Variants in NKTR observed in about 807,000 individuals in gnomAD.
NKTR encodes NK-tumor recognition protein.
Under a neutral mutation model 156.3 loss-of-function variants are expected in NKTR, and 67 were observed. The ratio of observed to expected loss-of-function variants is 0.43; its 90% CI spans 0.35 to 0.53. NKTR has a LOEUF of 0.53. NKTR is among the 20% of genes least tolerant of loss of function. The pLI, the probability that NKTR is intolerant of heterozygous loss-of-function variation, is 0.01. For missense variants in NKTR, 1,604 were observed against 1,730.9 expected, an observed-to-expected ratio of 0.93 and a Z score of 1.30; for synonymous variants, 640 against 596.6, an observed-to-expected ratio of 1.07 and a Z score of -1.06.
intron 7 of NKTR, 23 bp downstream of exon 7, chr3:42,630,598 A>G: frequency 4.3e-6 from 7 of 1,613,576 alleles, no homozygotes; most frequent in Non-Finnish European, 5.9e-6. Context: ...TTCTTACTAC[A>G]TTGGGGAAGT....
intron 2 of NKTR, among the ~76,000 whole-genome samples, chr3:42,609,435 C>A (rs2125765910): frequency 6.6e-6 from 1 of 152,246 alleles, no homozygotes; most frequent in South Asian, 2.1e-4. Context: ...GTGTCTTTAA[C>A]TTTCAGTTTG....
rs1247927669 is a variant in NKTR at position 42,639,466 on chromosome 3, G to T, written c.3762G>T (p.Val1254=). The T allele has an allele frequency of 1.2e-6, 2 of 1,614,218 alleles. No individual in the cohort carries two copies. The highest frequency in any genetic ancestry group is 2.7e-5 in the African/African-American group (2 of 75,044). ...SAVEVKVLTT[V]PEMKPQGLRI... ...TGGAAGTTAAGGTGTTGACCACTGTGCCTGAAATGAAACCACAAGGCTTGA... is the reference window on the plus strand; with the variant it reads ...TGGAAGTTAAGGTGTTGACCACTGTTCCTGAAATGAAACCACAAGGCTTGA... Residue 1254 remains valine, a synonymous_variant, in exon 13 of 17, where the codon GTG becomes GTT. Transcript: ENST00000232978.
In NKTR at chr3:42,645,925, C is replaced by G; in HGVS notation, c.4339C>G (p.Arg1447Gly). The G allele has an allele frequency of 1.2e-6, 2 of 1,612,584 alleles. No homozygotes were observed. The highest frequency in any genetic ancestry group is 1.7e-6 in the Non-Finnish European group (2 of 1,179,160). The part of the protein sequence containing the change: ...RSYGSDSESD[R>G]SYSHHRSPSE... ...TTATGGCTCTGACAGTGAAAGTGACCGAAGTTACTCTCATCACCGGAGCCC... is the reference window on the plus strand; with the variant it reads ...TTATGGCTCTGACAGTGAAAGTGACGGAAGTTACTCTCATCACCGGAGCCC... Residue 1447 changes from arginine to glycine, a missense_variant, in exon 17 of 17, where the codon CGA becomes GGA. Coordinates refer to ENST00000232978, the MANE Select transcript of NKTR (RefSeq NM_005385.4).
chr3:42,609,096 C>T (rs911960294), intron 2 of NKTR, among the ~76,000 whole-genome samples: 2 of 151,564 alleles, frequency 1.3e-5, no homozygotes, highest in African/African-American at 2.4e-5. Context: ...CCACTGCACT[C>T]CTGCCTGGGC....
intron 3 of NKTR, 107 bp from the exon 4 acceptor site, chr3:42,618,913 G>T: frequency 1.1e-6 from 1 of 902,144 alleles, no homozygotes; most frequent in Non-Finnish European, 1.7e-6. Flanking sequence ...CTCTTCCAGT[G>T]CCTAGCACAC....
rs1707834662 is a variant in NKTR at position 42,620,759 on chromosome 3, T to C, written c.287-670T>C. ...AACAGCTATTTAGCTGGTTCTGTTA[T>C]GTAGCAATTTAAAACTAATGCTGTA... On this transcript the variant is annotated intron_variant, in intron 5 of 16. Transcript: ENST00000232978. 17 of 984,774 alleles carry C rather than the reference T, an allele frequency of 1.7e-5. No homozygotes were observed. The East Asian group carries it at 3.4e-4, about 20-fold the overall frequency. 61.0% of individuals were successfully genotyped at this position (984,774 alleles called of 1,614,324 possible). A position where few individuals can be genotyped will look rare whatever the true frequency, so the allele number is the denominator to read the frequency against.
chr3:42,603,382 AAAACAGCTT>A (rs1559546348), intron 2 of NKTR, among the ~76,000 whole-genome samples: 1 of 146,630 alleles, frequency 6.8e-6, no homozygotes, highest in African/African-American at 2.6e-5. Context: ...AAAAAAAAAA[AAAACAGCTT>A]AAGAAAAAGT....
intron 5 of NKTR, 42 bp from the exon 6 acceptor site, chr3:42,621,387 C>A (rs769168682): frequency 9.5e-6 from 15 of 1,581,142 alleles, no homozygotes; most frequent in Non-Finnish European, 1.3e-5. Flanking sequence ...TTTAAAGTGA[C>A]TTATAATTGG....
chr3:42,606,519 T>C (rs552985018), intron 2 of NKTR, among the ~76,000 whole-genome samples: 21 of 152,284 alleles, frequency 1.4e-4, no homozygotes, highest in Admixed American at 1.4e-3. Flanking sequence ...GATTGTATCT[T>C]AAAGTCCGAG....
At position 42,639,735 on chromosome 3, in the gene NKTR, C is replaced by G. The variant is rs1201850647; in HGVS notation, c.4031C>G (p.Ser1344Cys). 5.0e-6 allele frequency: 8 copies of G among 1,605,574 alleles called. No individual in the cohort carries two copies. Among genetic ancestry groups the G allele is most frequent in the African/African-American group, 1.3e-5 (1 of 74,504 alleles). The change falls in exon 13 of 17, where the codon TCC (serine) becomes TGC (cysteine). Residue 1344 changes from serine to cysteine, a missense_variant. This residue lies in a region of NKTR where 193 missense variants were observed against 220.2 expected (regional missense o/e 0.88). Coordinates refer to ENST00000232978, the MANE Select transcript of NKTR (RefSeq NM_005385.4). ...CACTCAAGAAGTCGATCGAGAAGTTCCACATCATCTTATCGGTGAGCAATA... is the reference window on the plus strand; with the variant it reads ...CACTCAAGAAGTCGATCGAGAAGTTGCACATCATCTTATCGGTGAGCAATA... ...YSHSRSRSRS[S>C]TSSYRSRSYS...
chr3:42,608,668 T>C (rs1330925519), intron 2 of NKTR, among the ~76,000 whole-genome samples: 2 of 152,238 alleles, frequency 1.3e-5, no homozygotes, highest in African/African-American at 2.4e-5. Flanking sequence ...CTTCTCTCTC[T>C]GAAGGTTGGA....
chr3:42,601,244 C>G, intron 2 of NKTR, 180 bp downstream of exon 2: 1 of 480,936 alleles, frequency 2.1e-6, no homozygotes, highest in Non-Finnish European at 3.7e-6. Flanking sequence ...ACACCCCTAA[C>G]TCGCAGTCCG....
At chr3:42,624,228 C>T (rs568668772) in intron 6 of NKTR, among the ~76,000 whole-genome samples, 1 of 150,968 alleles carries the variant, frequency 6.6e-6, no homozygotes, top group Non-Finnish European at 1.5e-5. Context: ...CTGTATTTGT[C>T]ATAATGATTT....
At chr3:42,633,029 G>A (rs1295334870) in intron 9 of NKTR, 1 of 1,260,510 alleles carries the variant, frequency 7.9e-7, no homozygotes, top group Non-Finnish European at 1.0e-6. Context: ...GTTTTCGGGT[G>A]AAAATAGTCC....
chr3:42,601,234 A>G (rs983475245), intron 2 of NKTR, 170 bp downstream of exon 2: 2 of 518,650 alleles, frequency 3.9e-6, no homozygotes, highest in Non-Finnish European at 6.8e-6. Flanking sequence ...TGGCCTGGGC[A>G]CACCCCTAAC....
rs913501303 is a variant in NKTR, at chr3:42,648,020, G to T, written c.*2045G>T. 3 of 152,196 alleles carry T rather than the reference G, an allele frequency of 2.0e-5. No homozygotes were observed. Among genetic ancestry groups the T allele is most frequent in the Non-Finnish European group, 4.4e-5 (3 of 68,046 alleles). 9.4% of individuals were successfully genotyped at this position (152,196 alleles called of 1,614,324 possible). On this transcript the variant is annotated 3_prime_UTR_variant, in exon 17 of 17. Transcript: ENST00000232978. ...TCATTCAGGTTGTTGGCGGAATTCA[G>T]TTCTTTGCTGGCTCTCAGCTGGAGG...
rs190807251 is a variant in NKTR, at chr3:42,648,501, T to C, written c.*2526T>C. On this transcript the variant is annotated 3_prime_UTR_variant, in exon 17 of 17. Coordinates refer to ENST00000232978, the MANE Select transcript of NKTR (RefSeq NM_005385.4). ...TCCTAAAGGGGATTGTTCTACATTT[T>C]GAAGTTATTTTTTAATAAAATTGAA... 5.9e-5 allele frequency: 9 copies of C among 152,708 alleles called. No individual in the cohort carries two copies. The East Asian group carries it at 1.7e-3, about 29-fold the overall frequency. The allele number at this position is 152,708 out of a possible 1,614,324, so 9.5% of individuals were successfully genotyped here.
chr3:42,632,894 C>A, intron 9 of NKTR, 71 bp downstream of exon 9: 1 of 1,347,836 alleles, frequency 7.4e-7, no homozygotes, highest in South Asian at 2.4e-5. Flanking sequence ...ATGTATAATT[C>A]TATAAACTCA....
chr3:42,633,391 A>T (rs1577542567), intron 9 of NKTR, 189 bp from the exon 10 acceptor site: 1 of 1,362,158 alleles, frequency 7.3e-7, no homozygotes, highest in East Asian at 2.8e-5. Flanking sequence ...CAATTTTCCT[A>T]TCAAAATTCT....
Sources: allele counts gnomAD v4.1 joint callset (sites outside exome capture counted in the v4.1 genomes callset), GRCh38; gene constraint gnomAD v4.1.1; regional missense constraint gnomAD v4.1.1; transcripts MANE v1.5; gene names NCBI Gene and HGNC (gene_info 2026-07-23, HGNC 2026-07-21).